Variants in MAP4 observed in about 807,000 individuals in gnomAD.
The protein encoded by MAP4 is microtubule-associated protein 4.
In MAP4, 76 loss-of-function variants were observed where a neutral mutation model predicts 170.2. That is an observed-to-expected ratio of 0.45 (90% CI 0.37 to 0.54). The LOEUF (loss-of-function observed/expected upper bound fraction) is 0.54, where lower values mean the gene tolerates loss of function less well. MAP4 is among the 20% of genes least tolerant of loss of function. The probability of loss-of-function intolerance (pLI) is 0.00; values close to 1 mark genes in which losing one functional copy is unlikely to be tolerated. For synonymous variants in MAP4, 909 were observed against 994.5 expected (o/e 0.91, Z 1.62); for missense variants, 2,506 against 2,748.0 (o/e 0.91, Z 1.97).
At chr3:47,947,157 A>G (rs2100060558) in intron 3 of MAP4, among the ~76,000 whole-genome samples, 1 of 152,234 alleles carries the variant, frequency 6.6e-6, no homozygotes. Context: ...AAACATTACA[A>G]GAATTAAGGA....
intron 1 of MAP4, among the ~76,000 whole-genome samples, chr3:48,064,336 T>C (rs147780762): frequency 1.2e-4 from 18 of 152,204 alleles, no homozygotes; most frequent in African/African-American, 4.3e-4. Context: ...GCCTATCTTG[T>C]CTTGTGGCCC....
rs553306671 is a variant in MAP4, at chr3:47,983,547, C to T, written c.224-5614G>A. Among the ~76,000 whole-genome samples the T allele has an allele frequency of 3.1e-4, 47 of 152,062 alleles. No individual in the cohort carries two copies. In the South Asian group the frequency reaches 4.4e-3, roughly 14 times the overall value. ...GGCTACAGGCATGTGCCACCATGCC[C>T]GGCTAATTTTTTGTATTTTTAGTAG... On this transcript the variant is annotated intron_variant, in intron 2 of 20. Coordinates refer to ENST00000683076, the MANE Select transcript of MAP4 (RefSeq NM_001385682.1).
At chr3:48,002,954 AAAATAAATAAAT>A (rs55814118) in intron 1 of MAP4, among the ~76,000 whole-genome samples, 49 of 144,752 alleles carry the variant, frequency 3.4e-4, no homozygotes, top group African/African-American at 9.1e-4. Flanking sequence ...ATTAAGGCCA[AAAATAAATAAAT>A]AAATAAATAA....
At chr3:47,903,465 A>G (rs904108972) in intron 9 of MAP4, among the ~76,000 whole-genome samples, 3 of 151,706 alleles carry the variant, frequency 2.0e-5, no homozygotes, top group African/African-American at 7.3e-5. Flanking sequence ...CCTGGGAGGC[A>G]GAGCGTGCAG....
intron 1 of MAP4, among the ~76,000 whole-genome samples, chr3:48,044,308 C>A (rs929783179): frequency 6.6e-6 from 1 of 150,838 alleles, no homozygotes; most frequent in African/African-American, 2.4e-5. Flanking sequence ...GCACCCGCCA[C>A]CACGCCCGGC....
chr3:48,012,215 C>G (rs1471874480), intron 1 of MAP4, among the ~76,000 whole-genome samples: 1 of 152,196 alleles, frequency 6.6e-6, no homozygotes, highest in Admixed American at 6.5e-5. Context: ...AGCCATATTA[C>G]GGAACTTTCC....
chr3:47,904,663 A>G (rs1302392153), intron 9 of MAP4, among the ~76,000 whole-genome samples: 1 of 59,644 alleles, frequency 1.7e-5, no homozygotes, highest in East Asian at 4.6e-4. Context: ...CGGGGGGGCT[A>G]GAGAGGGGCG....
intron 10 of MAP4, among the ~76,000 whole-genome samples, chr3:47,883,879 C>T (rs2097172926): frequency 6.6e-6 from 1 of 152,012 alleles, no homozygotes; most frequent in South Asian, 2.1e-4. Context: ...AAAAAAATTG[C>T]TGTTTCCCTA....
intron 1 of MAP4, among the ~76,000 whole-genome samples, chr3:48,022,991 G>C (rs141183847): frequency 6.6e-6 from 1 of 152,244 alleles, no homozygotes; most frequent in East Asian, 1.9e-4. Flanking sequence ...TCCTATTAAA[G>C]CTGCAATATC....
rs145028487 is a variant in MAP4, at chr3:48,051,092, C to CCACACACACACACACA, written c.-20+37665_-20+37680dup. On this transcript the variant is annotated intron_variant, in intron 1 of 18. Transcript: ENST00000360240. ...ATCACCTTTGAAAACCATTCAATTTCCACACACACACACACACACACACAC... is the reference window on the plus strand; with the variant it reads ...ATCACCTTTGAAAACCATTCAATTTCCACACACACACACACACACACACACACACACACACACACAC... 2.0e-3 allele frequency among the ~76,000 whole-genome samples: 281 copies of CCACACACACACACACA among 144,010 alleles called. 2 individuals carry two copies. Among genetic ancestry groups the CCACACACACACACACA allele is most frequent in the African/African-American group, 7.0e-3 (270 of 38,760 alleles). 94.5% of individuals were successfully genotyped at this position (144,010 alleles called of 152,430 possible).
At chr3:47,972,963 T>C in intron 3 of MAP4, 1 of 929,666 alleles carries the variant, frequency 1.1e-6, no homozygotes, top group Non-Finnish European at 1.3e-6. Flanking sequence ...ATACAATTAA[T>C]CCGGGTGGGA....
intron 1 of MAP4, among the ~76,000 whole-genome samples, chr3:48,046,108 G>C (rs912866571): frequency 8.6e-5 from 13 of 151,244 alleles, no homozygotes; most frequent in Non-Finnish European, 1.6e-4. Flanking sequence ...TTCCCTCAGT[G>C]ATCTATTTCT....
intron 10 of MAP4, chr3:47,891,073 A>G (rs182672587): frequency 1.5e-4 from 234 of 1,532,018 alleles, no homozygotes; most frequent in Non-Finnish European, 6.1e-6. Context: ...TCTGGGTTGC[A>G]GTGACCTCAA....
intron 1 of MAP4, among the ~76,000 whole-genome samples, chr3:48,071,077 T>TG (rs1181394504): frequency 6.6e-6 from 1 of 152,014 alleles, no homozygotes; most frequent in Non-Finnish European, 1.5e-5. Context: ...TGAAGTACAG[T>TG]GTGCTTTTAA....
rs1308742386 is a variant in MAP4 at position 47,912,343 on chromosome 3, G to T, written c.2078C>A (p.Pro693His). Residue 693 changes from proline to histidine, a missense_variant, in exon 9 of 21, where the codon CCC becomes CAC. By Grantham distance (77) the Pro-to-His change is moderately conservative. Around this residue, in one of 3 missense-constraint regions of MAP4, gnomAD observed 2,008 missense variants for 2,206.0 expected, o/e 0.91. Coordinates refer to ENST00000683076, the MANE Select transcript of MAP4 (RefSeq NM_001385682.1). ...CRPSDRRSTR[P>H]KPARVPPELL... The stretch of plus-strand genomic sequence containing the variant: ...CTCAGGAGGGACCCTGGCAGGCTTG[G>T]GCCGGGTTGACCTGCGGTCACTGGG... 1.0e-5 allele frequency: 16 copies of T among 1,536,026 alleles called. No homozygotes were observed. The Admixed American group carries it at 2.9e-4, about 28-fold the overall frequency.
intron 2 of MAP4, among the ~76,000 whole-genome samples, chr3:47,990,055 G>T (rs764928431): frequency 6.6e-6 from 1 of 152,198 alleles, no homozygotes; most frequent in African/African-American, 2.4e-5. Flanking sequence ...GAAGGCATGT[G>T]TGCTGTGAGT....
intron 10 of MAP4, among the ~76,000 whole-genome samples, chr3:47,888,995 A>T (rs2098132549): frequency 6.6e-6 from 1 of 152,250 alleles, no homozygotes; most frequent in Admixed American, 6.5e-5. Context: ...TGGAAATGAC[A>T]GTCATGCAAC....
At chr3:47,881,338 G>T (rs1259678651) in intron 10 of MAP4, among the ~76,000 whole-genome samples, 2 of 149,776 alleles carry the variant, frequency 1.3e-5, no homozygotes, top group African/African-American at 2.5e-5. Flanking sequence ...ATAAGACTCA[G>T]ATACTTGGGA....
At chr3:48,015,897 G>C (rs772154629) in intron 1 of MAP4, among the ~76,000 whole-genome samples, 1 of 152,136 alleles carries the variant, frequency 6.6e-6, no homozygotes, top group African/African-American at 2.4e-5. Flanking sequence ...AGACAACTGA[G>C]GAAGATCTTG....
Sources: allele counts gnomAD v4.1 joint callset (sites outside exome capture counted in the v4.1 genomes callset), GRCh38; gene constraint gnomAD v4.1.1; regional missense constraint gnomAD v4.1.1; transcripts MANE v1.5; gene names NCBI Gene and HGNC (gene_info 2026-07-23, HGNC 2026-07-21).